Variants in CCDC171 observed in about 807,000 individuals in gnomAD.
The protein encoded by CCDC171 is coiled-coil domain containing 171, also known as coiled-coil domain-containing protein 171.
CCDC171 carries 177 observed loss-of-function variants against 168.2 expected under a neutral mutation model. The observed-to-expected ratio is 1.05, with a 90% CI of 0.93 to 1.19. The LOEUF (loss-of-function observed/expected upper bound fraction) is 1.19. Among genes scored for constraint, CCDC171 ranks in the 50% most tolerant of loss-of-function variants. CCDC171 has a pLI of 0.00. For missense variants in CCDC171, 1,991 were observed against 1,539.0 expected (o/e 1.29, Z -4.91); for synonymous variants, 687 against 540.8 (o/e 1.27, Z -3.75).
At chr9:15,580,746 T>A (rs1005482650) in intron 4 of CCDC171, among the ~76,000 whole-genome samples, 2 of 152,180 alleles carry the variant, frequency 1.3e-5, no homozygotes, top group African/African-American at 4.8e-5. Flanking sequence ...GTTGCATGGA[T>A]GTGGTAAAAA....
intron 6 of CCDC171, among the ~76,000 whole-genome samples, chr9:15,602,794 A>G (rs1203346621): frequency 6.7e-6 from 1 of 149,340 alleles, no homozygotes; most frequent in Non-Finnish European, 1.5e-5. Flanking sequence ...AGTAGCTGGG[A>G]TTACAGGCAC....
chr9:15,967,999 T>G (rs1358661322), intron 25 of CCDC171, among the ~76,000 whole-genome samples: 1 of 152,166 alleles, frequency 6.6e-6, no homozygotes, highest in Non-Finnish European at 1.5e-5. Context: ...TGTAGAAAAT[T>G]AAGATATTAA....
At chr9:15,601,009 A>G (rs1286797012) in intron 6 of CCDC171, among the ~76,000 whole-genome samples, 4 of 152,082 alleles carry the variant, frequency 2.6e-5, no homozygotes, top group Admixed American at 2.6e-4. Flanking sequence ...GGTGGGAGTG[A>G]CCCGATTTAC....
chr9:15,593,419 A>G (rs1445866772), intron 5 of CCDC171, among the ~76,000 whole-genome samples: 1 of 152,100 alleles, frequency 6.6e-6, no homozygotes, highest in Non-Finnish European at 1.5e-5. Context: ...TTTTTCAAGT[A>G]TTGTTTATCT....
intron 1 of CCDC171, among the ~76,000 whole-genome samples, chr9:16,060,186 A>G (rs1157409253): frequency 6.6e-6 from 1 of 152,172 alleles, no homozygotes; most frequent in Non-Finnish European, 1.5e-5. Context: ...TCAGATGGCA[A>G]TTCAGGTCCA....
chr9:16,105,117 C>A, the CCDC171 span, among the ~76,000 whole-genome samples: 2 of 152,202 alleles, frequency 1.3e-5, no homozygotes, highest in Admixed American at 6.5e-5. Context: ...GAAGTCAAGG[C>A]TGTTAGGCTA....
chr9:15,845,848 G>C (rs1225272087), intron 21 of CCDC171: 1 of 151,988 alleles, frequency 6.6e-6, no homozygotes, highest in Admixed American at 6.6e-5. Context: ...TTGTATCCTA[G>C]AATTTTAACT....
chr9:16,089,029 C>A, the CCDC171 span, among the ~76,000 whole-genome samples: 1 of 152,186 alleles, frequency 6.6e-6, no homozygotes, highest in Admixed American at 6.5e-5. Context: ...ACCAATGGAA[C>A]AGAACAGAGG....
At chr9:15,952,726 T>C (rs1247948753) in intron 25 of CCDC171, among the ~76,000 whole-genome samples, 1 of 152,130 alleles carries the variant, frequency 6.6e-6, no homozygotes. Flanking sequence ...AAGAATTTCA[T>C]TGGGATTTTG....
chr9:15,662,734 G>A (rs2048409498), intron 8 of CCDC171, among the ~76,000 whole-genome samples: 2 of 152,020 alleles, frequency 1.3e-5, no homozygotes, highest in South Asian at 2.1e-4. Context: ...CCAGCACTTT[G>A]GGAGGCTGAG....
Position 15,557,800 on chromosome 9 carries a change from A to G in CCDC171, c.-112+4498A>G, listed in dbSNP as rs531897948. 3.0e-4 allele frequency among the ~76,000 whole-genome samples: 45 copies of G among 152,232 alleles called. No homozygotes were observed. The East Asian group carries it at 8.7e-3, about 29-fold the overall frequency. On this transcript the variant is annotated intron_variant, in intron 1 of 25. Coordinates refer to ENST00000380701, the MANE Select transcript of CCDC171 (RefSeq NM_173550.4). ...TTGAATAGGAGTGGTGAGAGGGGGC[A>G]TCCCTGTCTTGTGCCAGTTTTCAAA... is the stretch of plus-strand genomic sequence containing the variant.
At chr9:15,565,233 C>T (rs1012450050) in intron 2 of CCDC171, among the ~76,000 whole-genome samples, 12 of 151,990 alleles carry the variant, frequency 7.9e-5, no homozygotes, top group East Asian at 5.8e-4. Context: ...GGATTATAGG[C>T]GCCTGCTGCC....
intron 21 of CCDC171, among the ~76,000 whole-genome samples, chr9:15,832,633 G>A (rs2060280279): frequency 6.6e-6 from 1 of 152,140 alleles, no homozygotes; most frequent in Non-Finnish European, 1.5e-5. Context: ...TACCATGAAT[G>A]GGGCTTGAGG....
chr9:16,060,103 T>G (rs1331528219), intron 1 of CCDC171, among the ~76,000 whole-genome samples: 1 of 152,158 alleles, frequency 6.6e-6, no homozygotes, highest in Non-Finnish European at 1.5e-5. Flanking sequence ...GTATGTAAAT[T>G]TGTATTTAAT....
At chr9:15,781,438 G>C (rs2057660961) in intron 20 of CCDC171, among the ~76,000 whole-genome samples, 1 of 152,134 alleles carries the variant, frequency 6.6e-6, no homozygotes, top group African/African-American at 2.4e-5. Context: ...TATTTTTTGA[G>C]ATGGAGTCTC....
chr9:15,727,980 G>A lies in CCDC171; in HGVS notation c.1804G>A (p.Val602Ile), dbSNP rs993291644. 2 of 1,613,232 alleles carry A rather than the reference G, an allele frequency of 1.2e-6. No individual in the cohort carries two copies. The highest frequency in any genetic ancestry group is 1.7e-6 in the Non-Finnish European group (2 of 1,179,554). The change falls in exon 15 of 26, where the codon GTC becomes ATC. Residue 602 changes from valine to isoleucine, a missense_variant. Coordinates refer to ENST00000380701, the MANE Select transcript of CCDC171 (RefSeq NM_173550.4). Reference sequence around the variant, plus strand: ...ATTCTCTTGGTCTGAGCTTTGTGCAGTCTTACAGGAGAATGTTGATGCCCT... The same window carrying A: ...ATTCTCTTGGTCTGAGCTTTGTGCAATCTTACAGGAGAATGTTGATGCCCT... ...DKFSWSELCA[V>I]LQENVDALIA...
intron 21 of CCDC171, among the ~76,000 whole-genome samples, chr9:15,842,944 ATG>A (rs1022254502): frequency 6.6e-6 from 1 of 151,936 alleles, no homozygotes; most frequent in Non-Finnish European, 1.5e-5. Context: ...CATTGAAAAA[ATG>A]TGTGGGTCAT....
intron 21 of CCDC171, among the ~76,000 whole-genome samples, chr9:15,831,276 AT>A (rs1358709652): frequency 6.6e-6 from 1 of 152,042 alleles, no homozygotes; most frequent in Non-Finnish European, 1.5e-5. Flanking sequence ...CCGGCCCTTA[AT>A]TTTTATAAAA....
chr9:15,650,967 G>T (rs577508874), intron 7 of CCDC171, among the ~76,000 whole-genome samples: 3 of 152,036 alleles, frequency 2.0e-5, no homozygotes, highest in Middle Eastern at 6.8e-3. Context: ...CCTTCTAACT[G>T]TATGTTTGTA....
Sources: gnomAD v4.1 joint callset for allele counts (sites outside exome capture counted in the v4.1 genomes callset) on GRCh38, gnomAD v4.1.1 for gene constraint, MANE v1.5 for transcripts, NCBI Gene and HGNC (gene_info 2026-07-23, HGNC 2026-07-21) for gene names.